LGR4: variants seen among roughly 807,000 people sequenced by gnomAD.
The protein encoded by LGR4 is leucine-rich repeat-containing G protein-coupled receptor 4.
A neutral mutation model predicts 84.8 loss-of-function variants in LGR4; 44 were observed. The ratio of observed to expected loss-of-function variants is 0.52; its 90% confidence interval spans 0.41 to 0.67. The LOEUF is 0.67. Among genes scored for constraint, LGR4 ranks in the 30% least tolerant of loss-of-function variants. LGR4 has a pLI of 0.00. For synonymous variants in LGR4, 429 were observed against 434.3 expected (o/e 0.99, Z 0.15); for missense variants, 1,032 against 1,131.4 (o/e 0.91, Z 1.26).
chr11:27,449,667 TAAAATA>T (rs1864450799), intron 1 of LGR4, among the ~76,000 whole-genome samples: 1 of 150,974 alleles, frequency 6.6e-6, no homozygotes, highest in Admixed American at 6.6e-5. Context: ...AAAAAGTAAA[TAAAATA>T]AAAATAAAGT....
In LGR4 at chr11:27,456,326, T is replaced by C. The variant is rs548771911; in HGVS notation, c.185+15792A>G. 2.9e-4 allele frequency among the ~76,000 whole-genome samples: 41 copies of C among 141,840 alleles called. 2 individuals carry two copies. The South Asian group carries it at 9.5e-3, about 33-fold the overall frequency. The allele number at this position is 141,840 out of a possible 152,430, so 93.1% of individuals were successfully genotyped here. ...ATCAGCTCACACCATCAACACACAG[T>C]GTTCGAGTCAACTAAAGAGTACCAA... On this transcript the variant is annotated intron_variant, in intron 1 of 17. Coordinates refer to ENST00000379214, the MANE Select transcript of LGR4 (RefSeq NM_018490.5).
intron 2 of LGR4, among the ~76,000 whole-genome samples, chr11:27,396,432 C>T (rs1188615773): frequency 6.6e-6 from 1 of 152,188 alleles, no homozygotes; most frequent in Non-Finnish European, 1.5e-5. Context: ...GCAAGAGGGG[C>T]TGAGAATGGG....
chr11:27,385,141 A>C (rs1863161870), intron 5 of LGR4, 112 bp downstream of exon 5: 3 of 712,086 alleles, frequency 4.2e-6, no homozygotes, highest in South Asian at 4.6e-5. Context: ...CAAAGCACTA[A>C]CTACTCAGGA....
rs536637759 is a variant in LGR4 at position 27,471,856 on chromosome 11, G to A, written c.185+262C>T. On this transcript the variant is annotated intron_variant, in intron 1 of 17. Coordinates refer to ENST00000379214, the MANE Select transcript of LGR4 (RefSeq NM_018490.5). ...TTGTGAGTTGGGGGTGTGCGCGGTG[G>A]GGTGGGAGGGTGCTTGTGCCCAAAA... is the stretch of plus-strand genomic sequence containing the variant. 1.4e-3 allele frequency: 412 copies of A among 304,568 alleles called. 2 individuals are homozygous for A. The highest frequency in any genetic ancestry group is 8.2e-3 in the African/African-American group (374 of 45,610). 18.9% of individuals were successfully genotyped at this position (304,568 alleles called of 1,614,324 possible).
At chr11:27,380,524 C>T in intron 9 of LGR4, 116 bp downstream of exon 9, 1 of 828,436 alleles carries the variant, frequency 1.2e-6, no homozygotes, top group Non-Finnish European at 1.9e-6. Context: ...AAATTCTGCC[C>T]AAGGGAGAAA....
At chr11:27,399,808 C>T (rs554012378) in intron 2 of LGR4, among the ~76,000 whole-genome samples, 12 of 152,082 alleles carry the variant, frequency 7.9e-5, no homozygotes, top group South Asian at 2.1e-4. Context: ...CATGAGCCAC[C>T]GCACCCGGCT....
intron 1 of LGR4, among the ~76,000 whole-genome samples, chr11:27,434,211 C>G (rs1051427034): frequency 6.6e-6 from 1 of 152,162 alleles, no homozygotes; most frequent in African/African-American, 2.4e-5. Context: ...TGGAACCTGA[C>G]GAGGCAGCCA....
Position 27,368,008 on chromosome 11 carries a change from G to C in LGR4, c.2715C>G (p.His905Gln). 1 of 1,614,116 alleles carries C rather than the reference G, an allele frequency of 6.2e-7. No individual in the cohort carries two copies. The highest frequency in any genetic ancestry group is 8.5e-7 in the Non-Finnish European group (1 of 1,179,996). The change falls in exon 18 of 18, where the codon CAC (histidine) becomes CAG (glutamine). Residue 905 changes from histidine (H) to glutamine (Q), a missense_variant. Transcript: ENST00000379214. The part of the protein sequence containing the change: ...YWSDCGTQSA[H>Q]SDYADEEDSF... ...AATCTTCTTCATCTGCATAATCAGA[G>C]TGGGCCGACTGTGTGCCACAGTCGG...
intron 1 of LGR4, among the ~76,000 whole-genome samples, chr11:27,428,500 T>C (rs7927021): frequency 0.1 from 15,583 of 152,272 alleles, 1,005 homozygotes; most frequent in African/African-American, 0.16. Context: ...ACGCTCTACG[T>C]GCCTGGCATG....
chr11:27,385,920 C>A (rs926538696), intron 4 of LGR4, among the ~76,000 whole-genome samples: 3 of 151,648 alleles, frequency 2.0e-5, no homozygotes, highest in Non-Finnish European at 4.4e-5. Context: ...TGATTCTGTA[C>A]CAAAGAGAAA....
At chr11:27,432,196 A>G (rs78867611) in intron 1 of LGR4, among the ~76,000 whole-genome samples, 2,800 of 152,238 alleles carry the variant, frequency 0.018, 53 homozygotes, top group Middle Eastern at 0.034. Flanking sequence ...AGTCTTTACA[A>G]TTCCCTAAAT....
chr11:27,428,224 G>A (rs894390500), intron 1 of LGR4, among the ~76,000 whole-genome samples: 1 of 150,996 alleles, frequency 6.6e-6, no homozygotes, highest in Non-Finnish European at 1.5e-5. Flanking sequence ...TGCAACCTCT[G>A]CCTCTCAGGT....
At chr11:27,403,442 C>G (rs1487646947) in intron 2 of LGR4, among the ~76,000 whole-genome samples, 1 of 151,972 alleles carries the variant, frequency 6.6e-6, no homozygotes, top group Non-Finnish European at 1.5e-5. Context: ...GACCCTGTCT[C>G]AAAAAAACAG....
chr11:27,466,390 AATGTCCATT>A (rs1864778264), intron 1 of LGR4, among the ~76,000 whole-genome samples: 1 of 152,246 alleles, frequency 6.6e-6, no homozygotes, highest in South Asian at 2.1e-4. Flanking sequence ...CATCTAGTCA[AATGTCCATT>A]ATTTATTGAT....
At chr11:27,395,202 G>C (rs77205246) in intron 2 of LGR4, among the ~76,000 whole-genome samples, 13,043 of 152,062 alleles carry the variant, frequency 0.086, 676 homozygotes, top group African/African-American at 0.13. Context: ...GCTCTTCCAA[G>C]TGTTAAAAAG....
chr11:27,371,580 A>G (rs756628231), intron 17 of LGR4, 35 bp downstream of exon 17: 19 of 1,432,728 alleles, frequency 1.3e-5, no homozygotes, highest in Non-Finnish European at 6.9e-6. Context: ...TGTTTGTTTA[A>G]CATGGGTAAC....
chr11:27,462,096 G>T (rs1318831175), intron 1 of LGR4, among the ~76,000 whole-genome samples: 1 of 151,952 alleles, frequency 6.6e-6, no homozygotes, highest in Non-Finnish European at 1.5e-5. Flanking sequence ...GCCTCCCAAA[G>T]TGCTGGGATT....
intron 1 of LGR4, among the ~76,000 whole-genome samples, chr11:27,422,023 G>A (rs1460991872): frequency 6.6e-6 from 1 of 152,142 alleles, no homozygotes; most frequent in South Asian, 2.1e-4. Flanking sequence ...GGTGTTCCCA[G>A]GCATCTCTGG....
At chr11:27,433,203 C>A (rs1421672316) in intron 1 of LGR4, among the ~76,000 whole-genome samples, 6 of 152,016 alleles carry the variant, frequency 3.9e-5, no homozygotes. Context: ...AGGGAACACT[C>A]GTCTATTCTT....
Sources: gnomAD v4.1 joint callset for allele counts (sites outside exome capture counted in the v4.1 genomes callset) on GRCh38, gnomAD v4.1.1 for gene constraint, MANE v1.5 for transcripts, NCBI Gene and HGNC (gene_info 2026-07-23, HGNC 2026-07-21) for gene names.